The following PRDM1 variants were observed in gnomAD, a reference collection of about 807,000 sequenced individuals.
PRDM1 encodes PR domain zinc finger protein 1.
Under a neutral mutation model 62.8 loss-of-function variants are expected in PRDM1, and 13 were observed. That is an observed-to-expected ratio of 0.21 (90% CI 0.13 to 0.33). The LOEUF is 0.33. PRDM1 is among the 10% of genes least tolerant of loss of function. The probability of loss-of-function intolerance (pLI) is 1.00; values close to 1 mark genes in which losing one functional copy is unlikely to be tolerated. For synonymous variants in PRDM1, 396 were observed against 417.6 expected, an observed-to-expected ratio of 0.95 and a Z score of 0.63; for missense variants, 895 against 1,058.8, an observed-to-expected ratio of 0.85 and a Z score of 2.15.
chr6:106,006,109 C>T (rs1200224569), intron 1 of PRDM1, among the ~76,000 whole-genome samples: 1 of 152,312 alleles, frequency 6.6e-6, no homozygotes. Context: ...GTGTCCGATT[C>T]CTCTGAGCAT....
chr6:106,099,176 C>T lies in PRDM1; in HGVS notation c.412-124C>T, dbSNP rs534987252. On this transcript the variant is annotated intron_variant, in intron 3 of 6. Coordinates refer to ENST00000369096, the MANE Select transcript of PRDM1 (RefSeq NM_001198.4). ...CTATTCTGGCTAAACTGATTGGATT[C>T]TTTTTCTAACTAGGCAGTAGGGGAT... 8 of 1,602,556 alleles carry T rather than the reference C, an allele frequency of 5.0e-6. No individual in the cohort carries two copies. In the East Asian group the frequency reaches 1.8e-4, roughly 36 times the overall value.
chr6:106,098,244 A>T (rs978883799), intron 3 of PRDM1: 17 of 985,150 alleles, frequency 1.7e-5, no homozygotes, highest in Non-Finnish European at 1.9e-5. Flanking sequence ...GAAATTTCTT[A>T]AAGTCTAAAG....
At chr6:106,034,086 A>C (rs1293949118) in intron 1 of PRDM1, among the ~76,000 whole-genome samples, 1 of 152,114 alleles carries the variant, frequency 6.6e-6, no homozygotes, top group South Asian at 2.1e-4. Flanking sequence ...TTTCTGTAGA[A>C]TCAGTAGTAA....
chr6:106,064,316 A>G lies in PRDM1; in HGVS notation c.-67+15602A>G, dbSNP rs556898036. On this transcript the variant is annotated intron_variant, in intron 1 of 6. Coordinates refer to the PRDM1 transcript ENST00000651185. Reference sequence around the variant, plus strand: ...CCTCTCTGGGTGTTGAGCTGTGGACAGACGAAATCCAGGCCTGTTCACAGG... The same window carrying G: ...CCTCTCTGGGTGTTGAGCTGTGGACGGACGAAATCCAGGCCTGTTCACAGG... Among the ~76,000 whole-genome samples, 40 of 152,362 alleles carry G rather than the reference A, an allele frequency of 2.6e-4. No individual in the cohort carries two copies. In the South Asian group the frequency reaches 6.4e-3, roughly 24 times the overall value.
rs573525755 is a variant in PRDM1, at chr6:106,053,683, C to G, written c.-67+4969C>G. 7.2e-5 allele frequency among the ~76,000 whole-genome samples: 11 copies of G among 152,256 alleles called. No individual in the cohort carries two copies. The South Asian group carries it at 1.7e-3, about 23-fold the overall frequency. On this transcript the variant is annotated intron_variant, in intron 1 of 6. Coordinates refer to the PRDM1 transcript ENST00000651185. ...AACACTCTAAGGAGGCTCACTTGCT[C>G]TCCTTGGGACCTAGTTATTGAGTAA...
At chr6:106,053,554 TGTATTCTAATA>T (rs1286585192) in intron 1 of PRDM1, among the ~76,000 whole-genome samples, 1 of 152,222 alleles carries the variant, frequency 6.6e-6, no homozygotes, top group East Asian at 1.9e-4. Flanking sequence ...GTATCCATTA[TGTATTCTAATA>T]GAATACATAA....
upstream of PRDM1, among the ~76,000 whole-genome samples, chr6:105,993,412 C>T (rs1215346195): frequency 6.6e-6 from 1 of 152,218 alleles, no homozygotes; most frequent in Non-Finnish European, 1.5e-5. Flanking sequence ...CAACCTGCCC[C>T]TAGGTATGTT....
At chr6:106,087,216 A>G (rs1292443890) in intron 1 of PRDM1, among the ~76,000 whole-genome samples, 1 of 151,576 alleles carries the variant, frequency 6.6e-6, no homozygotes, top group Non-Finnish European at 1.5e-5. Flanking sequence ...GTGAGGGAGG[A>G]TTTTGGGGGA....
Position 106,086,482 on chromosome 6 carries a change from C to T in PRDM1, c.-72C>T. On this transcript the variant is annotated 5_prime_UTR_variant, in exon 1 of 7. Coordinates refer to ENST00000369096, the MANE Select transcript of PRDM1 (RefSeq NM_001198.4). ...GAGGAGGGACCGCCGAGGTGCGCGTCTGTGCGGCTCAGCCTGGCGGGGGAC... is the reference window on the plus strand; with the variant it reads ...GAGGAGGGACCGCCGAGGTGCGCGTTTGTGCGGCTCAGCCTGGCGGGGGAC... 6.9e-7 allele frequency: 1 copy of T among 1,459,788 alleles called. No homozygotes were observed. Among genetic ancestry groups the T allele is most frequent in the Non-Finnish European group, 9.3e-7 (1 of 1,069,984 alleles). 90.4% of individuals were successfully genotyped at this position (1,459,788 alleles called of 1,614,324 possible).
Position 106,086,607 on chromosome 6 carries a change from G to A in PRDM1, c.42+12G>A. 11 of 1,545,692 alleles carry A rather than the reference G, an allele frequency of 7.1e-6. No individual in the cohort carries two copies. The highest frequency in any genetic ancestry group is 9.6e-6 in the Non-Finnish European group (11 of 1,142,674). ...TGGGTACGACCTTGGTAAGGAACTT[G>A]AATTTTTTTTTTTTAATTCTGAAAT... On this transcript the variant is annotated intron_variant, in intron 1 of 6. Coordinates refer to ENST00000369096, the MANE Select transcript of PRDM1 (RefSeq NM_001198.4).
At chr6:106,027,473 T>A (rs1293923061) in intron 1 of PRDM1, among the ~76,000 whole-genome samples, 1 of 152,178 alleles carries the variant, frequency 6.6e-6, no homozygotes, top group East Asian at 1.9e-4. Flanking sequence ...GGACTTCTGC[T>A]GGGCTTGTGT....
chr6:106,015,664 T>A (rs1772610798), intron 1 of PRDM1, among the ~76,000 whole-genome samples: 2 of 152,186 alleles, frequency 1.3e-5, no homozygotes, highest in Non-Finnish European at 2.9e-5. Context: ...TCTGTTTATA[T>A]CATTCTGATT....
chr6:106,044,148 T>C (rs550908002), upstream of PRDM1, among the ~76,000 whole-genome samples: 1 of 152,066 alleles, frequency 6.6e-6, no homozygotes, highest in East Asian at 1.9e-4. Flanking sequence ...CTTTACACTC[T>C]TTTTTTCTGC....
chr6:106,035,902 T>C (rs1000648324), intron 1 of PRDM1, among the ~76,000 whole-genome samples: 2 of 152,120 alleles, frequency 1.3e-5, no homozygotes, highest in Non-Finnish European at 2.9e-5. Flanking sequence ...TTCTGTCATT[T>C]TGCTTTTTGT....
chr6:106,010,152 C>T (rs1379647174), intron 1 of PRDM1, among the ~76,000 whole-genome samples: 2 of 152,186 alleles, frequency 1.3e-5, no homozygotes, highest in East Asian at 3.8e-4. Context: ...CGTAGGGCCT[C>T]TACAAACTAA....
intron 1 of PRDM1, among the ~76,000 whole-genome samples, chr6:106,051,372 C>T (rs1404103387): frequency 6.6e-6 from 1 of 152,210 alleles, no homozygotes; most frequent in Non-Finnish European, 1.5e-5. Context: ...CCAAGGAGGC[C>T]TCTTCCCCAA....
chr6:106,107,306 G>C lies in PRDM1; in HGVS notation c.2298G>C (p.Glu766Asp), dbSNP rs764666878. The C allele has an allele frequency of 2.5e-6, 4 of 1,614,046 alleles. No individual in the cohort carries two copies. The African/African-American group carries it at 5.3e-5, about 22-fold the overall frequency. Residue 766 changes from glutamate to aspartate, a missense_variant, in exon 7 of 7, where the codon GAG (glutamate) becomes GAC (aspartate). This residue lies in a region of PRDM1 where 164 missense variants were observed against 179.9 expected (regional missense o/e 0.91). Coordinates refer to ENST00000369096, the MANE Select transcript of PRDM1 (RefSeq NM_001198.4). ...EKEILAVVRK[E>D]KEETGLKVSL... ...AAATTCTGGCCGTGGTCAGAAAAGA[G>C]AAAGAAGAAACTGGCCTGAAAGTGT...
At chr6:106,103,637 C>T (rs1774340566) in intron 4 of PRDM1, among the ~76,000 whole-genome samples, 1 of 152,142 alleles carries the variant, frequency 6.6e-6, no homozygotes, top group African/African-American at 2.4e-5. Context: ...GTGTTTTTTC[C>T]TGAAGGCATC....
intron 1 of PRDM1, among the ~76,000 whole-genome samples, chr6:106,000,871 A>G (rs531785782): frequency 6.6e-6 from 1 of 152,346 alleles, no homozygotes; most frequent in East Asian, 1.9e-4. Context: ...GTACACAGGT[A>G]TAATTGTCTT....
Sources: allele counts gnomAD v4.1 joint callset (sites outside exome capture counted in the v4.1 genomes callset), GRCh38; gene constraint gnomAD v4.1.1; regional missense constraint gnomAD v4.1.1; transcripts MANE v1.5; gene names NCBI Gene and HGNC (gene_info 2026-07-23, HGNC 2026-07-21).